Variants in HEATR5A observed in about 807,000 individuals in gnomAD.
The protein encoded by HEATR5A is HEAT repeat containing 5A.
HEATR5A carries 178 observed loss-of-function variants against 218.8 expected under a neutral mutation model. The observed-to-expected ratio is 0.81, with a 90% CI of 0.72 to 0.92. The LOEUF (loss-of-function observed/expected upper bound fraction) is 0.92. HEATR5A is among the 40% of genes least tolerant of loss of function. HEATR5A has a pLI of 0.00. For synonymous variants in HEATR5A, 864 were observed against 871.6 expected (o/e 0.99, Z 0.15); for missense variants, 2,420 against 2,418.9 (o/e 1.00, Z -0.01).
intron 23 of HEATR5A, among the ~76,000 whole-genome samples, chr14:31,325,155 T>C (rs1900223131): frequency 6.6e-6 from 1 of 152,220 alleles, no homozygotes; most frequent in African/African-American, 2.4e-5. Flanking sequence ...AAATTGTCTA[T>C]GCATAGAATG....
chr14:31,297,567 T>TA (rs1488302100), intron 33 of HEATR5A: 4 of 152,282 alleles, frequency 2.6e-5, no homozygotes, highest in Non-Finnish European at 5.9e-5. Flanking sequence ...CTTGAGGAGA[T>TA]AATACCTGAG....
At chr14:31,320,174 A>G (rs892863433) in intron 25 of HEATR5A, 13 of 547,586 alleles carry the variant, frequency 2.4e-5, no homozygotes, top group Non-Finnish European at 3.8e-5. Context: ...AGCACCAGGA[A>G]TGGCGCGGAG....
At chr14:31,394,782 C>T (rs2030592040) in intron 5 of HEATR5A, among the ~76,000 whole-genome samples, 2 of 152,266 alleles carry the variant, frequency 1.3e-5, no homozygotes, top group East Asian at 3.9e-4. Context: ...CGCGCCTCTA[C>T]ACTCCAGCCT....
chr14:31,300,204 C>T (rs1190536815), intron 33 of HEATR5A, among the ~76,000 whole-genome samples: 1 of 152,168 alleles, frequency 6.6e-6, no homozygotes. Flanking sequence ...TCCACACCCC[C>T]TCATTGTTCT....
rs992932562 is a variant in HEATR5A, at chr14:31,327,367, C to T, written c.3368-1025G>A. On this transcript the variant is annotated intron_variant, in intron 22 of 35. Coordinates refer to ENST00000543095, the MANE Select transcript of HEATR5A (RefSeq NM_015473.4). ...GGAGTGCAGTGGCATAATCTTGGCT[C>T]ACTGCAACCTCCGCCTCCTGAGTTC... Among the ~76,000 whole-genome samples the T allele has an allele frequency of 7.2e-5, 10 of 139,656 alleles. No individual in the cohort carries two copies. The Admixed American group carries it at 8.1e-4, about 11-fold the overall frequency. The allele number at this position is 139,656 out of a possible 152,430, so 91.6% of individuals were successfully genotyped here.
At chr14:31,298,628 T>A (rs1279271069) in intron 33 of HEATR5A, among the ~76,000 whole-genome samples, 1 of 151,932 alleles carries the variant, frequency 6.6e-6, no homozygotes, top group Non-Finnish European at 1.5e-5. Context: ...ATAATATTAT[T>A]TTCCATCCTT....
At chr14:31,305,289 G>C (rs1398870975) in intron 31 of HEATR5A, 112 bp from the exon 32 acceptor site, 1 of 1,089,912 alleles carries the variant, frequency 9.2e-7, no homozygotes, top group East Asian at 2.6e-5. Flanking sequence ...TTGAGACAGA[G>C]TCTCGCTCTG....
chr14:31,358,159 G>A (rs973081443), intron 16 of HEATR5A, among the ~76,000 whole-genome samples: 4 of 152,096 alleles, frequency 2.6e-5, no homozygotes, highest in Admixed American at 1.3e-4. Context: ...ACTGTCTTTC[G>A]CCATACTGGT....
intron 21 of HEATR5A, among the ~76,000 whole-genome samples, chr14:31,338,290 CAAT>C (rs1397736769): frequency 6.6e-6 from 1 of 152,082 alleles, no homozygotes; most frequent in East Asian, 1.9e-4. Context: ...GGTCTTTTAA[CAAT>C]AATATTTTAA....
At chr14:31,347,991 G>A in intron 18 of HEATR5A, 84 bp from the exon 19 acceptor site, 2 of 826,816 alleles carry the variant, frequency 2.4e-6, no homozygotes, top group Admixed American at 8.3e-5. Context: ...CTGTCACTTA[G>A]GCAAAACTTT....
At chr14:31,360,050 TAAAAA>T (rs56352246) in intron 14 of HEATR5A, among the ~76,000 whole-genome samples, 1 of 147,026 alleles carries the variant, frequency 6.8e-6, no homozygotes, top group Non-Finnish European at 1.5e-5. Flanking sequence ...TCTCATGTTG[TAAAAA>T]AAAAAAAAGC....
rs748178445 is a variant in HEATR5A at position 31,323,805 on chromosome 14, C to A, written c.3548-1G>T. ...TCCACACAAGTTACAGCTGTAAAATCTTTTATTAAAGGAGAACATATGTAA... is the reference window on the plus strand; with the variant it reads ...TCCACACAAGTTACAGCTGTAAAATATTTTATTAAAGGAGAACATATGTAA... On this transcript the variant is annotated splice_acceptor_variant, in intron 23 of 35. Transcript: ENST00000543095. LOFTEE classifies it high-confidence loss of function. The A allele has an allele frequency of 2.9e-5, 45 of 1,570,384 alleles. No homozygotes were observed. Among genetic ancestry groups the A allele is most frequent in the Non-Finnish European group, 3.8e-5 (43 of 1,143,590 alleles).
chr14:31,383,600 G>A lies in HEATR5A; in HGVS notation c.1517C>T (p.Thr506Ile). The change falls in exon 10 of 36, where the codon ACT becomes ATT. Residue 506 changes from threonine (T) to isoleucine (I), a missense_variant. By Grantham distance (89) the Thr-to-Ile change is moderately conservative. Coordinates refer to ENST00000543095, the MANE Select transcript of HEATR5A (RefSeq NM_015473.4). ...TGHKSSPEAV[T>I]GFSFAVAALL... ...AGCTGCTACAGCAAAACTGAAGCCA[G>A]TCACTGCTTCAGGTGAAGACTTATG... 2 of 1,613,654 alleles carry A rather than the reference G, an allele frequency of 1.2e-6. No homozygotes were observed. The highest frequency in any genetic ancestry group is 2.2e-5 in the East Asian group (1 of 44,878).
intron 1 of HEATR5A, among the ~76,000 whole-genome samples, chr14:31,405,146 C>T (rs892769731): frequency 1.0e-4 from 15 of 149,588 alleles, no homozygotes; most frequent in South Asian, 2.1e-4. Flanking sequence ...AGAATATAAA[C>T]GATGTGACCA....
chr14:31,347,372 C>T (rs959742441), intron 19 of HEATR5A, among the ~76,000 whole-genome samples: 3 of 152,094 alleles, frequency 2.0e-5, no homozygotes, highest in Admixed American at 6.5e-5. Context: ...CCATCATGCC[C>T]GGCTAATTTT....
At chr14:31,300,124 T>A (rs1899321819) in intron 33 of HEATR5A, among the ~76,000 whole-genome samples, 1 of 152,124 alleles carries the variant, frequency 6.6e-6, no homozygotes, top group Non-Finnish European at 1.5e-5. Flanking sequence ...TCTGGCCCCA[T>A]GTACCATCCA....
intron 9 of HEATR5A, 87 bp downstream of exon 9, chr14:31,386,333 C>T: frequency 1.1e-6 from 1 of 925,398 alleles, no homozygotes; most frequent in Non-Finnish European, 1.6e-6. Flanking sequence ...ATAATGGAAT[C>T]TATAAGTAAG....
chr14:31,343,875 C>G (rs766545614), intron 21 of HEATR5A, 21 bp downstream of exon 21: 1 of 1,528,766 alleles, frequency 6.5e-7, no homozygotes, highest in African/African-American at 1.4e-5. Flanking sequence ...ACTAAGAGCT[C>G]GTTTACAATT....
At chr14:31,362,897 G>T (rs1901672686) in intron 14 of HEATR5A, among the ~76,000 whole-genome samples, 1 of 152,024 alleles carries the variant, frequency 6.6e-6, no homozygotes, top group Non-Finnish European at 1.5e-5. Flanking sequence ...CCTTTTAGCT[G>T]GGCACAGTGG....
Sources: allele counts gnomAD v4.1 joint callset (sites outside exome capture counted in the v4.1 genomes callset), GRCh38; gene constraint gnomAD v4.1.1; transcripts MANE v1.5; gene names NCBI Gene and HGNC (gene_info 2026-07-23, HGNC 2026-07-21).